Variants in GRIK2 observed in about 807,000 individuals in gnomAD.
GRIK2 encodes glutamate ionotropic receptor kainate type subunit 2, also known as glutamate receptor ionotropic, kainate 2.
Under a neutral mutation model 100.3 loss-of-function variants are expected in GRIK2, and 32 were observed. The ratio of observed to expected loss-of-function variants is 0.32; its 90% CI spans 0.24 to 0.43. The LOEUF is 0.43. Ranked by LOEUF, GRIK2 falls within the 20% of genes least tolerant of loss-of-function variation. The pLI is 1.00. For synonymous variants in GRIK2, 417 were observed against 389.4 expected (o/e 1.07, Z -0.83); for missense variants, 843 against 1,114.9 (o/e 0.76, Z 3.47).
chr6:102,053,910 C>A (rs969246261), intron 15 of GRIK2, among the ~76,000 whole-genome samples: 3 of 152,142 alleles, frequency 2.0e-5, no homozygotes, highest in African/African-American at 4.8e-5. Context: ...ATATTGAAAT[C>A]TGAAGTGGTT....
At chr6:101,802,834 G>A (rs1780757615) in intron 9 of GRIK2, among the ~76,000 whole-genome samples, 1 of 151,730 alleles carries the variant, frequency 6.6e-6, no homozygotes, top group South Asian at 2.1e-4. Flanking sequence ...AAATATAAAA[G>A]TATGTTTCTA....
At chr6:101,996,783 G>C (rs997460451) in intron 14 of GRIK2, among the ~76,000 whole-genome samples, 2 of 152,018 alleles carry the variant, frequency 1.3e-5, no homozygotes, top group Admixed American at 6.6e-5. Context: ...ACTCACCAAG[G>C]CTTGGCCGTG....
intron 2 of GRIK2, among the ~76,000 whole-genome samples, chr6:101,401,934 G>T (rs1775329537): frequency 6.6e-6 from 1 of 152,102 alleles, no homozygotes; most frequent in Admixed American, 6.6e-5. Context: ...CCCTTGGCGT[G>T]GCTAGGCGCC....
chr6:102,021,013 A>G (rs1344866720), intron 14 of GRIK2, among the ~76,000 whole-genome samples: 1 of 151,848 alleles, frequency 6.6e-6, no homozygotes, highest in African/African-American at 2.4e-5. Flanking sequence ...TTCTATAGAA[A>G]ACTATGTGCT....
Position 102,069,971 on chromosome 6 carries a change from G to C in GRIK2, c.*1460G>C, listed in dbSNP as rs763561900. On this transcript the variant is annotated 3_prime_UTR_variant, in exon 17 of 17. Transcript: ENST00000369134. ...AACAATTGTGTGTAAAATGGTAAAA[G>C]ACACAGACCTCTTGACAACATTGTG... The C allele has an allele frequency of 4.6e-5, 7 of 151,940 alleles. No homozygotes were observed. Among genetic ancestry groups the C allele is most frequent in the Non-Finnish European group, 1.0e-4 (7 of 67,958 alleles). 9.4% of individuals were successfully genotyped at this position (151,940 alleles called of 1,614,324 possible). A position where few individuals can be genotyped will look rare whatever the true frequency, so the allele number is the denominator to read the frequency against.
intron 10 of GRIK2, among the ~76,000 whole-genome samples, chr6:101,836,657 A>ATTTTTTT (rs1371506983): frequency 1.3e-4 from 5 of 39,494 alleles, no homozygotes; most frequent in Non-Finnish European, 1.9e-4. Flanking sequence ...ATATATATAT[A>ATTTTTTT]TATATTTTTT....
chr6:101,520,686 G>A (rs984005132), intron 2 of GRIK2, among the ~76,000 whole-genome samples: 9 of 151,988 alleles, frequency 5.9e-5, no homozygotes, highest in Admixed American at 5.9e-4. Context: ...CAGAAAATCT[G>A]AAGAATTTTA....
chr6:101,827,868 AGACGATT>A lies in GRIK2; in HGVS notation c.1317+9388_1317+9394del, dbSNP rs543940435. 2.2e-4 allele frequency among the ~76,000 whole-genome samples: 33 copies of A among 152,094 alleles called. No individual in the cohort carries two copies. In the South Asian group the frequency reaches 6.8e-3, roughly 32 times the overall value. On this transcript the variant is annotated intron_variant, in intron 10 of 16. Transcript: ENST00000369134. ...CAACACACCACTGACAGAATTAGAG[AGACGATT>A]GAGGCAGAAAACAAAGAAATTCTGC... is the stretch of plus-strand genomic sequence containing the variant.
At chr6:101,523,661 A>C (rs1774998610) in intron 2 of GRIK2, among the ~76,000 whole-genome samples, 1 of 151,870 alleles carries the variant, frequency 6.6e-6, no homozygotes, top group Non-Finnish European at 1.5e-5. Flanking sequence ...AATAGTGCCC[A>C]TCAGCATTCT....
At chr6:101,649,147 C>T (rs1781667994) in intron 4 of GRIK2, among the ~76,000 whole-genome samples, 1 of 152,096 alleles carries the variant, frequency 6.6e-6, no homozygotes, top group Non-Finnish European at 1.5e-5. Context: ...ATCATTCTCT[C>T]CGGAAGCTTC....
At chr6:102,014,996 T>G (rs1795757975) in intron 14 of GRIK2, among the ~76,000 whole-genome samples, 1 of 152,100 alleles carries the variant, frequency 6.6e-6, no homozygotes, top group Non-Finnish European at 1.5e-5. Flanking sequence ...AATATCTTTG[T>G]TAATTTTCTG....
intron 14 of GRIK2, among the ~76,000 whole-genome samples, chr6:102,000,635 T>G (rs1373576018): frequency 2.0e-5 from 3 of 152,122 alleles, no homozygotes; most frequent in African/African-American, 7.2e-5. Flanking sequence ...AAAGTATTTG[T>G]CCATTTATCT....
intron 2 of GRIK2, among the ~76,000 whole-genome samples, chr6:101,523,555 T>G (rs909501783): frequency 1.6e-4 from 24 of 152,104 alleles, no homozygotes; most frequent in African/African-American, 5.6e-4. Flanking sequence ...CGTAAATGCT[T>G]GGGCACATTG....
chr6:101,947,714 G>T (rs1791365052), intron 14 of GRIK2, among the ~76,000 whole-genome samples: 1 of 152,066 alleles, frequency 6.6e-6, no homozygotes, highest in African/African-American at 2.4e-5. Flanking sequence ...TATAACAAAG[G>T]CATTAATTAG....
At chr6:101,689,490 T>C (rs1179677281) in intron 7 of GRIK2, among the ~76,000 whole-genome samples, 2 of 152,148 alleles carry the variant, frequency 1.3e-5, no homozygotes, top group African/African-American at 4.8e-5. Context: ...GCCTTTGAGA[T>C]GACTGTTTAT....
intron 2 of GRIK2, among the ~76,000 whole-genome samples, chr6:101,579,262 A>G (rs753401101): frequency 2.2e-4 from 33 of 152,156 alleles, no homozygotes; most frequent in Non-Finnish European, 3.7e-4. Context: ...AGCAGCAGTT[A>G]AGATTCAAAA....
At chr6:101,570,784 G>A (rs1469438149) in intron 2 of GRIK2, among the ~76,000 whole-genome samples, 1 of 152,056 alleles carries the variant, frequency 6.6e-6, no homozygotes, top group African/African-American at 2.4e-5. Context: ...TGACCTCCAG[G>A]GCCTTGGATG....
Position 101,489,706 on chromosome 6 carries a change from A to G in GRIK2, c.115+90314A>G, listed in dbSNP as rs562534370. On this transcript the variant is annotated intron_variant, in intron 2 of 16. Coordinates refer to ENST00000369134, the MANE Select transcript of GRIK2 (RefSeq NM_021956.5). Reference sequence around the variant, plus strand: ...TCTGTAAAACTCTCATTTTCTAAGTATGTGGTATGATTTTAAGGACTCCAG... The same window carrying G: ...TCTGTAAAACTCTCATTTTCTAAGTGTGTGGTATGATTTTAAGGACTCCAG... Among the ~76,000 whole-genome samples, 21 of 146,190 alleles carry G rather than the reference A, an allele frequency of 1.4e-4. 2 individuals are homozygous for G. In the East Asian group the frequency reaches 3.9e-3, roughly 27 times the overall value.
At chr6:101,999,529 AT>A (rs1794822831) in intron 14 of GRIK2, among the ~76,000 whole-genome samples, 2 of 152,064 alleles carry the variant, frequency 1.3e-5, no homozygotes, top group African/African-American at 4.8e-5. Flanking sequence ...TAGAAACACA[AT>A]TGATTGTTAA....
Sources: gnomAD v4.1 joint callset for allele counts (sites outside exome capture counted in the v4.1 genomes callset) on GRCh38, gnomAD v4.1.1 for gene constraint, MANE v1.5 for transcripts, NCBI Gene and HGNC (gene_info 2026-07-23, HGNC 2026-07-21) for gene names.